MMP16: variants seen among roughly 807,000 people sequenced by gnomAD.
MMP16 encodes the protein matrix metallopeptidase 16.
MMP16 carries 12 observed loss-of-function variants against 67.8 expected under a neutral mutation model. That is an observed-to-expected ratio of 0.18 (90% confidence interval 0.11 to 0.29). The LOEUF (loss-of-function observed/expected upper bound fraction) is 0.29, where lower values mean the gene tolerates loss of function less well. MMP16 is among the 10% of genes least tolerant of loss of function. MMP16 has a pLI of 1.00. For synonymous variants in MMP16, 249 were observed against 255.9 expected, an observed-to-expected ratio of 0.97 and a Z score of 0.26; for missense variants, 475 against 765.7, an observed-to-expected ratio of 0.62 and a Z score of 4.48.
At chr8:88,154,260 CT>C (rs1213100961) in intron 4 of MMP16, among the ~76,000 whole-genome samples, 2 of 136,230 alleles carry the variant, frequency 1.5e-5, no homozygotes, top group Non-Finnish European at 3.1e-5. Flanking sequence ...CACTTTTACA[CT>C]GTTGGTGGGA....
In MMP16 at chr8:88,250,328, G is replaced by C. The variant is rs1519937; in HGVS notation, c.133-53022C>G. Among the ~76,000 whole-genome samples, 721 of 152,044 alleles carry C rather than the reference G, an allele frequency of 4.7e-3. 7 individuals carry two copies. Among genetic ancestry groups the C allele is most frequent in the African/African-American group, 0.017 (691 of 41,494 alleles). On this transcript the variant is annotated intron_variant, in intron 1 of 9. Coordinates refer to ENST00000286614, the MANE Select transcript of MMP16 (RefSeq NM_005941.5). ...GGGCACAGGAATCATGTCTTTCTTA[G>C]TTTTCAAGTCTACGTACTTGACACT...
intron 1 of MMP16, among the ~76,000 whole-genome samples, chr8:88,278,415 T>C (rs913079472): frequency 6.6e-6 from 1 of 152,178 alleles, no homozygotes; most frequent in African/African-American, 2.4e-5. Flanking sequence ...TCATGCAGGT[T>C]CCTAATTTCC....
At chr8:88,247,806 A>G (rs1563573343) in intron 1 of MMP16, among the ~76,000 whole-genome samples, 1 of 152,040 alleles carries the variant, frequency 6.6e-6, no homozygotes, top group Non-Finnish European at 1.5e-5. Flanking sequence ...AGCTGCAGTA[A>G]CAATGTCATG....
rs776077111 is a variant in MMP16 at position 88,116,689 on chromosome 8, T to G, written c.901A>C (p.Arg301=). The change falls in exon 6 of 10, where the codon AGA becomes CGA. Residue 301 remains arginine, a synonymous_variant. Transcript: ENST00000286614. ...TGTGGGGGCACTGTCGGTAGAGGTC[T>G]TGTAGGTGGAGGAATCTTGTCAGGT... ...GPPDKIPPPT[R]PLPTVPPHRS... 1.0e-4 allele frequency: 168 copies of G among 1,613,552 alleles called. No individual in the cohort carries two copies. Among genetic ancestry groups the G allele is most frequent in the Non-Finnish European group, 1.3e-4 (151 of 1,179,808 alleles).
chr8:88,145,472 G>A (rs1207509411), intron 4 of MMP16, among the ~76,000 whole-genome samples: 2 of 151,758 alleles, frequency 1.3e-5, no homozygotes, highest in Non-Finnish European at 2.9e-5. Flanking sequence ...GTAATAGTAT[G>A]GGAGATAATA....
chr8:88,161,095 T>C (rs1438001770), intron 4 of MMP16, among the ~76,000 whole-genome samples: 2 of 152,178 alleles, frequency 1.3e-5, no homozygotes, highest in African/African-American at 4.8e-5. Flanking sequence ...TCTTTTTCTA[T>C]TGATTAGAAT....
intron 4 of MMP16, among the ~76,000 whole-genome samples, chr8:88,146,854 C>T (rs1808301428): frequency 6.6e-6 from 1 of 151,502 alleles, no homozygotes. Context: ...TTTTGCCAAA[C>T]TTTTCCCCAA....
intron 3 of MMP16, among the ~76,000 whole-genome samples, chr8:88,184,431 T>C (rs183653717): frequency 6.6e-6 from 1 of 151,822 alleles, no homozygotes; most frequent in African/African-American, 2.4e-5. Context: ...CAAATGCTTT[T>C]CAAGGTGTAT....
intron 1 of MMP16, among the ~76,000 whole-genome samples, chr8:88,205,247 C>A (rs753446285): frequency 2.0e-5 from 3 of 152,090 alleles, no homozygotes; most frequent in Non-Finnish European, 2.9e-5. Context: ...CAAATAGAGA[C>A]CTGACTGACA....
intron 6 of MMP16, among the ~76,000 whole-genome samples, chr8:88,088,170 C>T (rs1201213897): frequency 1.3e-5 from 2 of 150,002 alleles, no homozygotes; most frequent in Middle Eastern, 3.5e-3. Context: ...TCAGCTGAGC[C>T]TTCCCTGTAT....
At chr8:88,190,025 TA>T (rs1229296474) in intron 2 of MMP16, among the ~76,000 whole-genome samples, 27 of 152,212 alleles carry the variant, frequency 1.8e-4, no homozygotes, top group African/African-American at 6.5e-4. Context: ...GAGGACTTCA[TA>T]ACTTTTTCCA....
chr8:88,321,983 A>G (rs1811467050), intron 1 of MMP16, among the ~76,000 whole-genome samples: 1 of 152,136 alleles, frequency 6.6e-6, no homozygotes, highest in Non-Finnish European at 1.5e-5. Context: ...ACTATTTTTT[A>G]CTATTGTAGA....
chr8:88,064,484 C>A (rs749264146), intron 7 of MMP16, among the ~76,000 whole-genome samples: 1 of 152,010 alleles, frequency 6.6e-6, no homozygotes, highest in Non-Finnish European at 1.5e-5. Context: ...GCTGTAAGAT[C>A]CTGGGCAAGT....
chr8:88,281,082 G>A (rs1297516044), intron 1 of MMP16, among the ~76,000 whole-genome samples: 1 of 152,180 alleles, frequency 6.6e-6, no homozygotes, highest in Admixed American at 6.5e-5. Flanking sequence ...CAGCAAAGCA[G>A]AGTACAAGAC....
chr8:88,315,131 G>A (rs553571967), intron 1 of MMP16, among the ~76,000 whole-genome samples: 3 of 152,072 alleles, frequency 2.0e-5, no homozygotes, highest in African/African-American at 7.2e-5. Context: ...GCATACCTCC[G>A]TTTATTGCAT....
chr8:88,053,975 C>A (rs1172208961), intron 8 of MMP16, among the ~76,000 whole-genome samples: 4 of 152,114 alleles, frequency 2.6e-5, no homozygotes, highest in Non-Finnish European at 5.9e-5. Flanking sequence ...AAACCCTTTT[C>A]CCATTTTCTA....
chr8:88,260,160 C>T (rs1810364405), intron 1 of MMP16, among the ~76,000 whole-genome samples: 1 of 152,040 alleles, frequency 6.6e-6, no homozygotes, highest in African/African-American at 2.4e-5. Context: ...CTTCTTCTTC[C>T]AGCATTTTAA....
chr8:88,038,004 G>C lies in MMP16; in HGVS notation c.*3457C>G, dbSNP rs1808077265. 6.6e-6 allele frequency: 1 copy of C among 151,922 alleles called. No homozygotes were observed. The highest frequency in any genetic ancestry group is 2.4e-5 in the African/African-American group (1 of 41,412). 9.4% of individuals were successfully genotyped at this position (151,922 alleles called of 1,614,324 possible). A position where few individuals can be genotyped will look rare whatever the true frequency, so the allele number is the denominator to read the frequency against. On this transcript the variant is annotated 3_prime_UTR_variant, in exon 10 of 10. Coordinates refer to ENST00000286614, the MANE Select transcript of MMP16 (RefSeq NM_005941.5). The surrounding 1 kb of genome is among the most constrained non-coding windows in gnomAD (Gnocchi z 4.1). ...TGCATATCTCTAGTAACACTGAACT[G>C]ACACCTTATGTTATTGACCCATGGA...
chr8:88,144,470 T>A (rs1808259878), intron 4 of MMP16, among the ~76,000 whole-genome samples: 1 of 151,818 alleles, frequency 6.6e-6, no homozygotes, highest in South Asian at 2.1e-4. Flanking sequence ...TGTATCTGGA[T>A]AATGTATATT....
Sources: gnomAD v4.1 joint callset for allele counts (sites outside exome capture counted in the v4.1 genomes callset) on GRCh38, gnomAD v4.1.1 for gene constraint, Gnocchi (gnomAD v3.1) non-coding constraint, MANE v1.5 for transcripts, NCBI Gene and HGNC (gene_info 2026-07-23, HGNC 2026-07-21) for gene names.